GLIS1: variants seen among roughly 807,000 people sequenced by gnomAD.
GLIS1 encodes GLIS family zinc finger 1.
Under a neutral mutation model 63.8 loss-of-function variants are expected in GLIS1, and 24 were observed. That is an observed-to-expected ratio of 0.38 (90% CI 0.27 to 0.53). The LOEUF (loss-of-function observed/expected upper bound fraction) is 0.53, where lower values mean the gene tolerates loss of function less well. GLIS1 is among the 20% of genes least tolerant of loss of function. The pLI, the probability that GLIS1 is intolerant of heterozygous loss-of-function variation, is 0.85. For missense variants in GLIS1, 1,036 were observed against 1,074.1 expected (o/e 0.96, Z 0.50); for synonymous variants, 450 against 482.5 (o/e 0.93, Z 0.88).
intron 4 of GLIS1, among the ~76,000 whole-genome samples, chr1:53,580,276 C>G (rs1431096869): frequency 6.6e-6 from 1 of 152,208 alleles, no homozygotes; most frequent in East Asian, 1.9e-4. Context: ...AGCCCCAGGC[C>G]GCTGCCCCAA....
chr1:53,592,548 C>T (rs978245292), intron 4 of GLIS1, among the ~76,000 whole-genome samples: 9 of 152,328 alleles, frequency 5.9e-5, no homozygotes, highest in Admixed American at 4.6e-4. Context: ...CAGCCCTGGC[C>T]TGGCCTGCGC....
intron 2 of GLIS1, among the ~76,000 whole-genome samples, chr1:53,737,581 A>G (rs1365056280): frequency 6.6e-6 from 1 of 152,266 alleles, no homozygotes; most frequent in African/African-American, 2.4e-5. Context: ...GTAAGCTGAG[A>G]GCTTTCTATA....
chr1:53,709,731 T>A (rs1362844169), intron 2 of GLIS1, among the ~76,000 whole-genome samples: 2 of 152,132 alleles, frequency 1.3e-5, no homozygotes, highest in Non-Finnish European at 2.9e-5. Flanking sequence ...CAGAGGCAGT[T>A]CCCATTCATC....
At chr1:53,579,061 CAAA>C (rs55929702) in intron 4 of GLIS1, among the ~76,000 whole-genome samples, 10 of 129,458 alleles carry the variant, frequency 7.7e-5, no homozygotes, top group African/African-American at 1.9e-4. Flanking sequence ...ATTTAAAATC[CAAA>C]AAAAAAAAAA....
intron 4 of GLIS1, among the ~76,000 whole-genome samples, chr1:53,566,206 T>C (rs1331667743): frequency 1.3e-5 from 2 of 152,156 alleles, no homozygotes; most frequent in Non-Finnish European, 2.9e-5. Context: ...CCTCTTACCA[T>C]TCCTTTTCAA....
intron 2 of GLIS1, among the ~76,000 whole-genome samples, chr1:53,683,354 C>A (rs201979737): frequency 6.7e-6 from 1 of 148,502 alleles, no homozygotes; most frequent in Non-Finnish European, 1.5e-5. Flanking sequence ...TGAGCCCCCC[C>A]AACCAAAGGC....
chr1:53,668,609 C>T (rs1455665519), intron 2 of GLIS1, among the ~76,000 whole-genome samples: 2 of 152,054 alleles, frequency 1.3e-5, no homozygotes, highest in Non-Finnish European at 2.9e-5. Flanking sequence ...AATCTGCCTG[C>T]CTCAGCCTCC....
chr1:53,571,708 C>G (rs757311468), intron 4 of GLIS1, among the ~76,000 whole-genome samples: 86 of 152,110 alleles, frequency 5.7e-4, no homozygotes, highest in Non-Finnish European at 4.1e-4. Context: ...TCCCAAGTAG[C>G]TGGGACTATA....
intron 2 of GLIS1, among the ~76,000 whole-genome samples, chr1:53,713,640 T>C (rs1206476257): frequency 6.6e-6 from 1 of 152,220 alleles, no homozygotes; most frequent in Non-Finnish European, 1.5e-5. Context: ...CGCACACCTA[T>C]ACTCCCAGCT....
At chr1:53,537,171 G>A (rs1194826520) in intron 4 of GLIS1, among the ~76,000 whole-genome samples, 1 of 152,242 alleles carries the variant, frequency 6.6e-6, no homozygotes, top group Non-Finnish European at 1.5e-5. Flanking sequence ...GCCAAGCCCA[G>A]GGACCCCTCA....
At chr1:53,595,532 G>A (rs537380856) in intron 3 of GLIS1, among the ~76,000 whole-genome samples, 63 of 152,158 alleles carry the variant, frequency 4.1e-4, no homozygotes, top group Middle Eastern at 3.4e-3. Context: ...ACCTTGCATC[G>A]TTTTACCAAA....
chr1:53,662,566 C>T (rs1646040379), intron 2 of GLIS1, among the ~76,000 whole-genome samples: 1 of 152,116 alleles, frequency 6.6e-6, no homozygotes, highest in African/African-American at 2.4e-5. Context: ...AGGGCAAACC[C>T]ATCACATGTG....
intron 2 of GLIS1, among the ~76,000 whole-genome samples, chr1:53,703,825 G>A (rs1196644893): frequency 6.6e-6 from 1 of 152,060 alleles, no homozygotes; most frequent in Non-Finnish European, 1.5e-5. Context: ...TGCCTGGGCC[G>A]GGAAGGCTTT....
At chr1:53,726,759 C>G (rs12127863) in intron 2 of GLIS1, among the ~76,000 whole-genome samples, 1 of 152,190 alleles carries the variant, frequency 6.6e-6, no homozygotes, top group African/African-American at 2.4e-5. Flanking sequence ...ACCAGCCAGA[C>G]CTGCATCCTC....
intron 2 of GLIS1, among the ~76,000 whole-genome samples, chr1:53,609,264 A>ATATTT (rs1569912044): frequency 1.1e-5 from 1 of 94,826 alleles, no homozygotes; most frequent in Non-Finnish European, 2.3e-5. Flanking sequence ...TTGGGTTTAA[A>ATATTT]TCTTTTTTTT....
At chr1:53,636,910 C>T (rs1255418556) in intron 2 of GLIS1, among the ~76,000 whole-genome samples, 1 of 152,244 alleles carries the variant, frequency 6.6e-6, no homozygotes, top group Non-Finnish European at 1.5e-5. Flanking sequence ...AGTGTCCCTA[C>T]CTCAGCTCCT....
rs752145660 is a variant in GLIS1 at position 53,594,769 on chromosome 1, G to C, written c.659C>G (p.Pro220Arg). The C allele has an allele frequency of 1.6e-5, 26 of 1,599,078 alleles. No individual in the cohort carries two copies. The highest frequency in any genetic ancestry group is 1.8e-5 in the Non-Finnish European group (21 of 1,173,182). ...APSCYLLGSE[P>R]SSGLGLQPET... ...GGGCTGGAGGCCCAGGCCAGAGCTG[G>C]GTTCGCTGCCCAGAAGGTAGCAGGA... The change falls in exon 4 of 11, where the codon CCC becomes CGC. Residue 220 changes from proline (P) to arginine (R), a missense_variant. Around this residue, in one of 3 missense-constraint regions of GLIS1, gnomAD observed 592 missense variants for 593.9 expected, o/e 1.00. Transcript: ENST00000628545.
At chr1:53,506,863 G>C in intron 10 of GLIS1, 87 bp from the exon 11 acceptor site, 1 of 1,321,580 alleles carries the variant, frequency 7.6e-7, no homozygotes, top group Non-Finnish European at 1.0e-6. Flanking sequence ...CACCCCGCCT[G>C]CCCAGGGTCA....
chr1:53,700,822 T>G (rs1273691267), intron 2 of GLIS1, among the ~76,000 whole-genome samples: 1 of 152,214 alleles, frequency 6.6e-6, no homozygotes, highest in Non-Finnish European at 1.5e-5. Context: ...CTATTTTCTG[T>G]CTCCATAGAT....
Sources: gnomAD v4.1 joint callset for allele counts (sites outside exome capture counted in the v4.1 genomes callset) on GRCh38, gnomAD v4.1.1 for gene constraint, gnomAD v4.1.1 regional missense constraint, MANE v1.5 for transcripts, NCBI Gene and HGNC (gene_info 2026-07-23, HGNC 2026-07-21) for gene names.